SYN3: variants seen among roughly 807,000 people sequenced by gnomAD.
SYN3 encodes synapsin-3.
In SYN3, 35 loss-of-function variants were observed where a neutral mutation model predicts 65.8. The ratio of observed to expected loss-of-function variants is 0.53; its 90% confidence interval spans 0.41 to 0.70. The LOEUF is 0.70. Among genes scored for constraint, SYN3 ranks in the 30% least tolerant of loss-of-function variants. The pLI, the probability that SYN3 is intolerant of heterozygous loss-of-function variation, is 0.00. For missense variants in SYN3, 680 were observed against 749.0 expected, an observed-to-expected ratio of 0.91 and a Z score of 1.08; for synonymous variants, 270 against 292.9, an observed-to-expected ratio of 0.92 and a Z score of 0.80.
chr22:32,633,728 G>A (rs1302276137), intron 6 of SYN3, among the ~76,000 whole-genome samples: 1 of 152,060 alleles, frequency 6.6e-6, no homozygotes, highest in Non-Finnish European at 1.5e-5. Flanking sequence ...GTCCAAGCAA[G>A]CCTCCTACCT....
At chr22:33,057,254 T>G (rs556896178) in intron 1 of SYN3, among the ~76,000 whole-genome samples, 1 of 152,238 alleles carries the variant, frequency 6.6e-6, no homozygotes, top group South Asian at 2.1e-4. Flanking sequence ...CCTCCTTCAT[T>G]CCAGGATAAA....
chr22:33,055,479 C>T (rs2054239960), intron 1 of SYN3, among the ~76,000 whole-genome samples: 1 of 152,186 alleles, frequency 6.6e-6, no homozygotes, highest in African/African-American at 2.4e-5. Context: ...GGAGACCTTC[C>T]CTGACTACAC....
intron 6 of SYN3, among the ~76,000 whole-genome samples, chr22:32,642,976 T>C (rs540642412): frequency 1.3e-5 from 2 of 152,210 alleles, no homozygotes; most frequent in Non-Finnish European, 2.9e-5. Context: ...AATATGCTGA[T>C]CCATATGGAC....
intron 4 of SYN3, among the ~76,000 whole-genome samples, chr22:32,871,056 C>T (rs753064315): frequency 3.9e-5 from 6 of 152,338 alleles, no homozygotes; most frequent in South Asian, 4.1e-4. Context: ...TCCCTGGCAG[C>T]GTGGGTTCCA....
chr22:32,935,306 T>TCA (rs1391302847), intron 3 of SYN3, among the ~76,000 whole-genome samples: 4 of 144,982 alleles, frequency 2.8e-5, no homozygotes, highest in African/African-American at 9.8e-5. Context: ...TCTCTCTCTC[T>TCA]CTCACACACA....
chr22:33,041,908 C>G (rs1416632227), intron 1 of SYN3, among the ~76,000 whole-genome samples: 1 of 152,150 alleles, frequency 6.6e-6, no homozygotes, highest in Non-Finnish European at 1.5e-5. Context: ...ATGCTGTACT[C>G]CTGCATTACC....
intron 7 of SYN3, among the ~76,000 whole-genome samples, chr22:32,589,069 C>T (rs1001177382): frequency 6.6e-6 from 1 of 152,212 alleles, no homozygotes; most frequent in Non-Finnish European, 1.5e-5. Flanking sequence ...CTGCCCCGAG[C>T]TCCTATTCTC....
chr22:32,778,734 C>T (rs1000274989), intron 6 of SYN3, among the ~76,000 whole-genome samples: 1 of 152,126 alleles, frequency 6.6e-6, no homozygotes, highest in Non-Finnish European at 1.5e-5. Context: ...GAAGAAAGTG[C>T]GTCAAAATGC....
intron 6 of SYN3, among the ~76,000 whole-genome samples, chr22:32,632,502 G>A (rs966431302): frequency 3.3e-5 from 5 of 152,174 alleles, no homozygotes; most frequent in African/African-American, 7.2e-5. Context: ...GACCTTGGCC[G>A]AGACACCTTC....
At chr22:32,861,753 G>A (rs2048545291) in intron 6 of SYN3, 1 of 152,646 alleles carries the variant, frequency 6.6e-6, no homozygotes, top group Non-Finnish European at 1.5e-5. Context: ...GGGCGGTTTT[G>A]AGCTTTCTAT....
At chr22:32,815,854 C>T (rs528829970) in intron 6 of SYN3, among the ~76,000 whole-genome samples, 1 of 152,204 alleles carries the variant, frequency 6.6e-6, no homozygotes, top group Non-Finnish European at 1.5e-5. Context: ...GGTCACCCCA[C>T]TGCATGATGG....
At chr22:32,597,214 T>C (rs1014123075) in intron 6 of SYN3, among the ~76,000 whole-genome samples, 4 of 66,814 alleles carry the variant, frequency 6.0e-5, no homozygotes, top group African/African-American at 3.4e-4. Context: ...CTTTTTTTTT[T>C]TTTTTTTTTT....
intron 6 of SYN3, among the ~76,000 whole-genome samples, chr22:32,781,503 G>A (rs116202349): frequency 6.6e-6 from 1 of 152,006 alleles, no homozygotes; most frequent in Admixed American, 6.5e-5. Flanking sequence ...CTATAAATTG[G>A]CATTACGATA....
intron 7 of SYN3, among the ~76,000 whole-genome samples, chr22:32,565,642 G>C (rs1238571664): frequency 6.6e-6 from 1 of 150,620 alleles, no homozygotes; most frequent in Non-Finnish European, 1.5e-5. Context: ...ACAGCCTCCC[G>C]AGTAGCTAGG....
At chr22:32,522,362 CA>C (rs1220387499) in intron 12 of SYN3, among the ~76,000 whole-genome samples, 18 of 152,100 alleles carry the variant, frequency 1.2e-4, no homozygotes, top group Non-Finnish European at 7.4e-5. Context: ...ATCTCTTTAT[CA>C]AGCATGTTTT....
chr22:32,880,109 CCT>C (rs1205448833), intron 4 of SYN3, among the ~76,000 whole-genome samples: 1 of 142,066 alleles, frequency 7.0e-6, no homozygotes, highest in African/African-American at 2.6e-5. Flanking sequence ...TCTGAGCTCC[CCT>C]GTTACATTCT....
At chr22:32,564,189 G>A (rs189817173) in intron 7 of SYN3, among the ~76,000 whole-genome samples, 83 of 152,298 alleles carry the variant, frequency 5.4e-4, no homozygotes, top group Admixed American at 1.2e-3. Flanking sequence ...CAATCATGGA[G>A]TGGCTGTGAG....
chr22:32,881,744 T>A (rs1000100608), intron 4 of SYN3, among the ~76,000 whole-genome samples: 9 of 152,040 alleles, frequency 5.9e-5, no homozygotes, highest in Admixed American at 1.3e-4. Flanking sequence ...TGTTTTTTTT[T>A]AAAGGAAAGA....
At chr22:33,006,893 G>A (rs375939604) in intron 1 of SYN3, 69 bp from the exon 2 acceptor site, 25 of 415,790 alleles carry the variant, frequency 6.0e-5, no homozygotes, top group East Asian at 7.0e-5. Flanking sequence ...CAGATACAGC[G>A]CTTTCCTGCC....
Sources: allele counts gnomAD v4.1 joint callset (sites outside exome capture counted in the v4.1 genomes callset), GRCh38; gene constraint gnomAD v4.1.1; transcripts MANE v1.5; gene names NCBI Gene and HGNC (gene_info 2026-07-23, HGNC 2026-07-21).